FAM13B: variants seen among roughly 807,000 people sequenced by gnomAD.
FAM13B encodes the protein protein FAM13B.
In FAM13B, 60 loss-of-function variants were observed where a neutral mutation model predicts 117.3. The observed-to-expected ratio is 0.51, with a 90% CI of 0.42 to 0.63. FAM13B has a LOEUF of 0.63. FAM13B is among the 30% of genes least tolerant of loss of function. The pLI, the probability that FAM13B is intolerant of heterozygous loss-of-function variation, is 0.00. For missense variants in FAM13B, 972 were observed against 1,091.9 expected (o/e 0.89, Z 1.55); for synonymous variants, 332 against 356.1 (o/e 0.93, Z 0.76).
rs372478250 is a variant in FAM13B at position 137,939,806 on chromosome 5, A to G, written c.*419T>C. Reference sequence around the variant, plus strand: ...CTTTCAAATTTTCAGTCATTCTGTAAGAAAAAGGCAACAGAAGAATTCAGT... The same window carrying G: ...CTTTCAAATTTTCAGTCATTCTGTAGGAAAAAGGCAACAGAAGAATTCAGT... On this transcript the variant is annotated 3_prime_UTR_variant, in exon 24 of 24. Coordinates refer to ENST00000689681, the MANE Select transcript of FAM13B (RefSeq NM_001385994.1). 1.4e-3 allele frequency: 1,686 copies of G among 1,199,846 alleles called. 6 individuals carry two copies. The highest frequency in any genetic ancestry group is 9.5e-3 in the Middle Eastern group (28 of 2,948). 74.3% of individuals were successfully genotyped at this position (1,199,846 alleles called of 1,614,324 possible).
At chr5:137,960,300 A>G (rs1315661096) in intron 11 of FAM13B, 86 bp from the exon 12 acceptor site, 6 of 719,390 alleles carry the variant, frequency 8.3e-6, no homozygotes, top group Admixed American at 3.3e-5. Context: ...CCTCTACTCC[A>G]TAACACAGTT....
At chr5:137,986,218 C>T (rs1007520649) in intron 9 of FAM13B, among the ~76,000 whole-genome samples, 17 of 152,274 alleles carry the variant, frequency 1.1e-4, no homozygotes, top group African/African-American at 3.4e-4. Flanking sequence ...ATCCATGGCA[C>T]GCTTGCAATT....
chr5:138,032,371 C>A lies in FAM13B; in HGVS notation c.-203+411G>T, dbSNP rs1244467590. Among the ~76,000 whole-genome samples, 3 of 152,234 alleles carry A rather than the reference C, an allele frequency of 2.0e-5. No individual in the cohort carries two copies. In the East Asian group the frequency reaches 5.8e-4, roughly 29 times the overall value. ...GTTGAGCCCAGAATAAAACACACTC[C>A]TTTTTCTTCTACATCAACTTCACTG... On this transcript the variant is annotated intron_variant, in intron 1 of 23. Coordinates refer to ENST00000689681, the MANE Select transcript of FAM13B (RefSeq NM_001385994.1).
Position 138,011,943 on chromosome 5 carries a change from A to G in FAM13B, c.373T>C (p.Tyr125His). Reference sequence around the variant, plus strand: ...CTTCCAAATTCATCTTCATTATTATAATCTATAAAACAATAATAACAGGTT... The same window carrying G: ...CTTCCAAATTCATCTTCATTATTATGATCTATAAAACAATAATAACAGGTT... ...HIHLMQLSQD[Y>H]NNEDEFGRKL... The change falls in exon 5 of 24, where the codon TAT becomes CAT. Residue 125 changes from tyrosine (Y) to histidine (H), a missense_variant and splice_region_variant. Tyr to His is a moderately conservative substitution (Grantham distance 83). Coordinates refer to ENST00000689681, the MANE Select transcript of FAM13B (RefSeq NM_001385994.1). 11 of 1,573,348 alleles carry G rather than the reference A, an allele frequency of 7.0e-6. No homozygotes were observed. The highest frequency in any genetic ancestry group is 9.5e-6 in the Non-Finnish European group (11 of 1,162,992).
At chr5:138,044,477 A>C (rs1405386730) in intron 1 of FAM13B, among the ~76,000 whole-genome samples, 2 of 148,942 alleles carry the variant, frequency 1.3e-5, no homozygotes, top group Non-Finnish European at 1.5e-5. Context: ...ACTTGAACCC[A>C]GGGGGCGGAG....
chr5:138,032,636 C>G (rs1790440547), intron 1 of FAM13B, 146 bp downstream of exon 1: 2 of 783,128 alleles, frequency 2.6e-6, no homozygotes, highest in Admixed American at 1.2e-4. Context: ...GAACGCCCCA[C>G]CTGCTAGAGT....
At chr5:137,985,897 A>C (rs1175748638) in intron 9 of FAM13B, among the ~76,000 whole-genome samples, 1 of 152,228 alleles carries the variant, frequency 6.6e-6, no homozygotes, top group Non-Finnish European at 1.5e-5. Context: ...TGGTGAAAAT[A>C]AGACTATCAC....
intron 7 of FAM13B, among the ~76,000 whole-genome samples, chr5:138,006,319 G>A (rs545164672): frequency 3.1e-4 from 47 of 152,282 alleles, no homozygotes; most frequent in East Asian, 5.8e-4. Context: ...GGAGCTTTAC[G>A]GAGAACGAGC....
At chr5:138,027,821 GT>G (rs1561546929) in intron 1 of FAM13B, among the ~76,000 whole-genome samples, 1 of 152,130 alleles carries the variant, frequency 6.6e-6, no homozygotes, top group Non-Finnish European at 1.5e-5. Context: ...TGCTGTTCTC[GT>G]GACAGTGAGT....
intron 9 of FAM13B, among the ~76,000 whole-genome samples, chr5:137,985,918 G>GAT (rs1232952789): frequency 1.3e-5 from 2 of 152,100 alleles, no homozygotes; most frequent in Non-Finnish European, 2.9e-5. Flanking sequence ...CTGAGCAATG[G>GAT]GTATAGGTTT....
At chr5:138,006,047 C>T (rs111434752) in intron 7 of FAM13B, among the ~76,000 whole-genome samples, 5,317 of 151,944 alleles carry the variant, frequency 0.035, 140 homozygotes, top group Middle Eastern at 0.061. Flanking sequence ...TACAGGCGCG[C>T]GCCACCATGC....
chr5:138,026,628 CAAAAAAAAAAAA>C (rs56195021), intron 1 of FAM13B, among the ~76,000 whole-genome samples: 4 of 29,440 alleles, frequency 1.4e-4, no homozygotes, highest in South Asian at 1.4e-3. Flanking sequence ...GACCGTGTCT[CAAAAAAAAAAAA>C]AAAAAAAAAA....
intron 1 of FAM13B, among the ~76,000 whole-genome samples, chr5:138,025,597 A>T (rs768383419): frequency 6.6e-6 from 1 of 152,102 alleles, no homozygotes; most frequent in Non-Finnish European, 1.5e-5. Context: ...CATTCCATTC[A>T]ATTTCATTTA....
At chr5:138,001,590 AT>A (rs757998255) in intron 7 of FAM13B, among the ~76,000 whole-genome samples, 2 of 152,202 alleles carry the variant, frequency 1.3e-5, no homozygotes, top group Non-Finnish European at 2.9e-5. Context: ...AGTGTTATAA[AT>A]ACATAAGTAA....
At chr5:137,961,094 C>T (rs185131589) in intron 11 of FAM13B, among the ~76,000 whole-genome samples, 38 of 152,258 alleles carry the variant, frequency 2.5e-4, no homozygotes, top group South Asian at 1.0e-3. Flanking sequence ...GAACTAAATG[C>T]TCTGTTAAGC....
chr5:138,012,979 G>A (rs746177387), intron 4 of FAM13B, among the ~76,000 whole-genome samples: 1 of 151,942 alleles, frequency 6.6e-6, no homozygotes, highest in Non-Finnish European at 1.5e-5. Context: ...TGAGACAGGC[G>A]CATCACCTGA....
chr5:137,948,843 G>C (rs1368443430), intron 18 of FAM13B, 112 bp downstream of exon 18: 7 of 732,646 alleles, frequency 9.6e-6, no homozygotes, highest in Middle Eastern at 3.8e-4. Flanking sequence ...CAAAGATGGG[G>C]AGCAGATTCA....
chr5:137,955,923 C>T (rs541846873), intron 14 of FAM13B, among the ~76,000 whole-genome samples: 3 of 152,248 alleles, frequency 2.0e-5, no homozygotes, highest in Non-Finnish European at 2.9e-5. Context: ...TGAGCCACCA[C>T]GCCCGGCAGC....
intron 20 of FAM13B, among the ~76,000 whole-genome samples, chr5:137,945,105 T>C (rs1180860185): frequency 1.3e-5 from 2 of 151,432 alleles, no homozygotes; most frequent in Admixed American, 1.3e-4. Context: ...AAAATAAAAG[T>C]TAGGAAAAAA....
Sources: allele counts gnomAD v4.1 joint callset (sites outside exome capture counted in the v4.1 genomes callset), GRCh38; gene constraint gnomAD v4.1.1; transcripts MANE v1.5; gene names NCBI Gene and HGNC (gene_info 2026-07-23, HGNC 2026-07-21).